IGF2BP1: variants seen among roughly 807,000 people sequenced by gnomAD.
IGF2BP1 encodes the protein insulin like growth factor 2 mRNA binding protein 1.
IGF2BP1 carries 11 observed loss-of-function variants against 74.9 expected under a neutral mutation model. The ratio of observed to expected loss-of-function variants is 0.15; its 90% CI spans 0.09 to 0.24. The LOEUF (loss-of-function observed/expected upper bound fraction) is 0.24. Ranked by LOEUF, IGF2BP1 falls within the 10% of genes least tolerant of loss-of-function variation. The pLI, the probability that IGF2BP1 is intolerant of heterozygous loss-of-function variation, is 1.00. For synonymous variants in IGF2BP1, 287 were observed against 281.8 expected, an observed-to-expected ratio of 1.02 and a Z score of -0.18; for missense variants, 440 against 757.4, an observed-to-expected ratio of 0.58 and a Z score of 4.92.
intron 2 of IGF2BP1, among the ~76,000 whole-genome samples, chr17:49,017,269 T>C (rs1310605996): frequency 1.3e-5 from 2 of 152,102 alleles, no homozygotes; most frequent in Non-Finnish European, 2.9e-5. Context: ...TTTGTCCTCT[T>C]ATCCCAAACC....
intron 2 of IGF2BP1, among the ~76,000 whole-genome samples, chr17:49,003,693 TAGGGAGAGAAA>T (rs1189887879): frequency 6.7e-6 from 1 of 148,934 alleles, no homozygotes; most frequent in Non-Finnish European, 1.5e-5. Flanking sequence ...ATGGGAGTGT[TAGGGAGAGAAA>T]AGGGGAGGAA....
intron 4 of IGF2BP1, among the ~76,000 whole-genome samples, chr17:49,029,205 A>C (rs1367780880): frequency 6.6e-6 from 1 of 152,198 alleles, no homozygotes; most frequent in East Asian, 1.9e-4. Context: ...AAGCTCCACA[A>C]AGGCAGAGGT....
At chr17:49,008,520 G>GA (rs749401331) in intron 2 of IGF2BP1, among the ~76,000 whole-genome samples, 1 of 152,150 alleles carries the variant, frequency 6.6e-6, no homozygotes, top group Non-Finnish European at 1.5e-5. Context: ...GGAACAGAAT[G>GA]ATCTTCACAA....
At chr17:49,008,888 G>A (rs182655401) in intron 2 of IGF2BP1, among the ~76,000 whole-genome samples, 2 of 152,072 alleles carry the variant, frequency 1.3e-5, no homozygotes, top group East Asian at 1.9e-4. Context: ...ATGCATGCAG[G>A]CATGCATTCA....
chr17:49,016,407 G>T (rs1336735518), intron 2 of IGF2BP1, among the ~76,000 whole-genome samples: 1 of 152,116 alleles, frequency 6.6e-6, no homozygotes. Context: ...TATTGTGTGT[G>T]TGCGTGCGCA....
rs2042197756 is a variant in IGF2BP1 at position 49,054,052 on chromosome 17, T to G, written c.*4608T>G. 1 of 152,708 alleles carries G rather than the reference T, an allele frequency of 6.5e-6. No homozygotes were observed. Among genetic ancestry groups the G allele is most frequent in the Admixed American group, 6.5e-5 (1 of 15,286 alleles). The allele number at this position is 152,708 out of a possible 1,614,324, so 9.5% of individuals were successfully genotyped here. On this transcript the variant is annotated 3_prime_UTR_variant, in exon 15 of 15. Coordinates refer to ENST00000290341, the MANE Select transcript of IGF2BP1 (RefSeq NM_006546.4). Reference sequence around the variant, plus strand: ...CAGAACATTTCTCTGTATTCAGACTTAGAGTAACACCAGCTGAAAACTGCA... The same window carrying G: ...CAGAACATTTCTCTGTATTCAGACTGAGAGTAACACCAGCTGAAAACTGCA...
chr17:49,032,312 TTA>T (rs1491258842), intron 5 of IGF2BP1, among the ~76,000 whole-genome samples: 1 of 152,142 alleles, frequency 6.6e-6, no homozygotes, highest in Non-Finnish European at 1.5e-5. Context: ...CTCCAGGACC[TTA>T]GAGTCCTTTG....
At chr17:49,029,965 G>T (rs565863090) in intron 4 of IGF2BP1, among the ~76,000 whole-genome samples, 82 of 152,072 alleles carry the variant, frequency 5.4e-4, no homozygotes, top group African/African-American at 1.8e-3. Context: ...TCTAATGTCA[G>T]CTTGCCAAAC....
chr17:49,034,857 T>TA (rs1188316868), intron 5 of IGF2BP1, among the ~76,000 whole-genome samples: 1 of 152,144 alleles, frequency 6.6e-6, no homozygotes, highest in African/African-American at 2.4e-5. Flanking sequence ...TTAATAGGTG[T>TA]AAAAATGACA....
intron 2 of IGF2BP1, among the ~76,000 whole-genome samples, chr17:49,003,249 G>A (rs1258677143): frequency 6.6e-6 from 1 of 152,094 alleles, no homozygotes; most frequent in African/African-American, 2.4e-5. Flanking sequence ...ACCTTAATAT[G>A]TATCATTTTA....
At position 49,014,742 on chromosome 17, in the gene IGF2BP1, G is replaced by T. The variant is rs1006025882; in HGVS notation, c.237-10876G>T. On this transcript the variant is annotated intron_variant, in intron 2 of 14. Transcript: ENST00000290341. The stretch of plus-strand genomic sequence containing the variant: ...CACTTATGGACACGCAGACGCTTGC[G>T]GGGCTGGTGCCCAGATGTTTGCCCA... 20 of 984,338 alleles carry T rather than the reference G, an allele frequency of 2.0e-5. No homozygotes were observed. The African/African-American group carries it at 3.3e-4, about 16-fold the overall frequency. 61.0% of individuals were successfully genotyped at this position (984,338 alleles called of 1,614,324 possible).
In IGF2BP1 at chr17:49,051,712, A is replaced by G. The variant is rs746400420; in HGVS notation, c.*2268A>G. On this transcript the variant is annotated 3_prime_UTR_variant, in exon 15 of 15. Transcript: ENST00000290341. ...ATAATAACTAAAAAATATACCCTTT[A>G]AAAAAACCTATATTTCTCTGTCTAA... is the stretch of plus-strand genomic sequence containing the variant. 2.6e-5 allele frequency: 4 copies of G among 152,150 alleles called. No individual in the cohort carries two copies. Among genetic ancestry groups the G allele is most frequent in the Admixed American group, 6.5e-5 (1 of 15,288 alleles). 9.4% of individuals were successfully genotyped at this position (152,150 alleles called of 1,614,324 possible). A position where few individuals can be genotyped will look rare whatever the true frequency, so the allele number is the denominator to read the frequency against.
At chr17:49,039,653 CT>C (rs1335352003) in intron 6 of IGF2BP1, among the ~76,000 whole-genome samples, 1 of 152,000 alleles carries the variant, frequency 6.6e-6, no homozygotes, top group Non-Finnish European at 1.5e-5. Flanking sequence ...TCTCAAACTC[CT>C]GGCCTCAAGT....
At chr17:49,025,853 C>CTTTTTTTTTTT (rs749731111) in intron 3 of IGF2BP1, among the ~76,000 whole-genome samples, 187 bp downstream of exon 3, 1 of 140,366 alleles carries the variant, frequency 7.1e-6, no homozygotes, top group Non-Finnish European at 1.5e-5. Flanking sequence ...TCTTTCTTTT[C>CTTTTTTTTTTT]TTTCTTTTTT....
intron 2 of IGF2BP1, among the ~76,000 whole-genome samples, chr17:49,003,187 C>T (rs770752256): frequency 1.3e-5 from 2 of 152,070 alleles, no homozygotes; most frequent in Non-Finnish European, 2.9e-5. Flanking sequence ...ATGACATTAG[C>T]AATTGGAAGA....
At chr17:49,008,581 C>G (rs1173045724) in intron 2 of IGF2BP1, among the ~76,000 whole-genome samples, 1 of 152,092 alleles carries the variant, frequency 6.6e-6, no homozygotes, top group African/African-American at 2.4e-5. Context: ...CTACCCTTTC[C>G]CTCTTGCTGG....
In IGF2BP1 at chr17:48,997,717, G is replaced by GGACCGCGTCCTGCCCCGA; in HGVS notation, c.-22_-5dup. ...GCGCCCGCTCGTTCGGCCTTGCCCG[G>GGACCGCGTCCTGCCCCGA]GACCGCGTCCTGCCCCGAGACCGCC... On this transcript the variant is annotated 5_prime_UTR_variant, in exon 1 of 15. Transcript: ENST00000290341. This position sits in a 1 kb window ranked among gnomAD's most constrained non-coding sequence, Gnocchi z 4.8. 1.2e-6 allele frequency: 2 copies of GGACCGCGTCCTGCCCCGA among 1,605,238 alleles called. No individual in the cohort carries two copies. Among genetic ancestry groups the GGACCGCGTCCTGCCCCGA allele is most frequent in the South Asian group, 2.2e-5 (2 of 89,792 alleles).
rs2042152429 is a variant in IGF2BP1, at chr17:49,050,227, C to T, written c.*783C>T. On this transcript the variant is annotated 3_prime_UTR_variant, in exon 15 of 15. Coordinates refer to ENST00000290341, the MANE Select transcript of IGF2BP1 (RefSeq NM_006546.4). ...GGGCTTCCCCACCACATTCATGTCC[C>T]TCTCCCGTGTAGGTTTCACATTATG... is the stretch of plus-strand genomic sequence containing the variant. 6.5e-6 allele frequency: 1 copy of T among 152,798 alleles called. No homozygotes were observed. The highest frequency in any genetic ancestry group is 2.1e-4 in the South Asian group (1 of 4,822). 9.5% of individuals were successfully genotyped at this position (152,798 alleles called of 1,614,324 possible).
chr17:49,019,329 C>G (rs905098442), intron 2 of IGF2BP1, among the ~76,000 whole-genome samples: 3 of 152,094 alleles, frequency 2.0e-5, no homozygotes, highest in Admixed American at 2.0e-4. Context: ...TCCAACCCCC[C>G]GTAAGCTCCT....
Sources: allele counts gnomAD v4.1 joint callset (sites outside exome capture counted in the v4.1 genomes callset), GRCh38; gene constraint gnomAD v4.1.1; non-coding constraint Gnocchi (gnomAD v3.1); transcripts MANE v1.5; gene names NCBI Gene and HGNC (gene_info 2026-07-23, HGNC 2026-07-21).